The following DDX11 variants were observed in gnomAD, a reference collection of about 807,000 sequenced individuals.
The protein encoded by DDX11 is ATP-dependent DNA helicase DDX11.
A neutral mutation model predicts 125.2 loss-of-function variants in DDX11; 72 were observed. The ratio of observed to expected loss-of-function variants is 0.58; its 90% CI spans 0.48 to 0.70. The LOEUF is 0.70. DDX11 is among the 30% of genes least tolerant of loss of function. The probability of loss-of-function intolerance (pLI) is 0.00; values close to 1 mark genes in which losing one functional copy is unlikely to be tolerated. For missense variants in DDX11, 883 were observed against 1,165.0 expected, an observed-to-expected ratio of 0.76 and a Z score of 3.52; for synonymous variants, 347 against 452.6, an observed-to-expected ratio of 0.77 and a Z score of 2.96.
intron 8 of DDX11, 158 bp downstream of exon 8, chr12:31,089,648 C>G: frequency 1.9e-6 from 2 of 1,040,134 alleles, no homozygotes; most frequent in Non-Finnish European, 2.9e-6. Context: ...AGTGTTCCTA[C>G]TCTCTGGGTC....
At chr12:31,103,104 G>A (rs1946685103) in intron 24 of DDX11, 84 bp downstream of exon 24, 2 of 1,519,544 alleles carry the variant, frequency 1.3e-6, no homozygotes. Context: ...GATACAGCCA[G>A]GCCTTCCCCG....
rs1252679736 is a variant in DDX11, at chr12:31,104,675, C to T, written c.*839C>T. On this transcript the variant is annotated 3_prime_UTR_variant, in exon 27 of 27. Coordinates refer to ENST00000542838, the MANE Select transcript of DDX11 (RefSeq NM_030653.4). ...TGACCCCAGAGAAAGGGGCTGTGGT[C>T]AGCTGGGATCTTCTGCCACCATCAG... 2 of 154,358 alleles carry T rather than the reference C, an allele frequency of 1.3e-5. No individual in the cohort carries two copies. The highest frequency in any genetic ancestry group is 2.9e-5 in the Non-Finnish European group (2 of 69,550). The allele number at this position is 154,358 out of a possible 1,614,324, so 9.6% of individuals were successfully genotyped here. A position where few individuals can be genotyped will look rare whatever the true frequency, so the allele number is the denominator to read the frequency against.
At chr12:31,087,764 A>G in intron 5 of DDX11, 174 bp from the exon 6 acceptor site, 1 of 1,103,070 alleles carries the variant, frequency 9.1e-7, no homozygotes. Flanking sequence ...CGGCCATGGG[A>G]GGTTGGGGTT....
intron 5 of DDX11, among the ~76,000 whole-genome samples, chr12:31,085,543 C>T (rs1184127125): frequency 6.6e-6 from 1 of 152,222 alleles, no homozygotes; most frequent in East Asian, 1.9e-4. Context: ...ACCATCAAGG[C>T]GTCCTTAGCC....
At chr12:31,099,880 C>T (rs538376358) in intron 18 of DDX11, among the ~76,000 whole-genome samples, 11 of 152,226 alleles carry the variant, frequency 7.2e-5, no homozygotes, top group Admixed American at 3.3e-4. Context: ...CTAGCTTATC[C>T]TTTCAGTCTT....
At chr12:31,087,834 G>A in intron 5 of DDX11, 104 bp from the exon 6 acceptor site, 7 of 1,509,716 alleles carry the variant, frequency 4.6e-6, no homozygotes, top group Non-Finnish European at 6.3e-6. Flanking sequence ...GGAACCCATT[G>A]CTGGGAATGG....
At chr12:31,085,252 T>C (rs1471849091) in intron 5 of DDX11, 126 bp downstream of exon 5, 20 of 1,330,846 alleles carry the variant, frequency 1.5e-5, no homozygotes, top group Non-Finnish European at 2.1e-5. Context: ...TGCCCTCTGC[T>C]CTAAGCCGGG....
chr12:31,090,484 A>G (rs547103951), intron 9 of DDX11, among the ~76,000 whole-genome samples: 1 of 102,218 alleles, frequency 9.8e-6, no homozygotes, highest in Non-Finnish European at 1.9e-5. Context: ...AGAACCATTC[A>G]GTTTTCCAGT....
At chr12:31,082,180 TAATAGATCCC>T (rs1444620237) in intron 2 of DDX11, among the ~76,000 whole-genome samples, 1 of 146,886 alleles carries the variant, frequency 6.8e-6, no homozygotes, top group Non-Finnish European at 1.5e-5. Context: ...TGATGAAAAC[TAATAGATCCC>T]ATATTCCAGA....
rs748876603 is a variant in DDX11, at chr12:31,103,791, C to G, written c.2692-16C>G. 1.9e-6 allele frequency: 3 copies of G among 1,613,798 alleles called. No individual in the cohort carries two copies. The Admixed American group carries it at 5.0e-5, about 27-fold the overall frequency. On this transcript the variant is annotated splice_polypyrimidine_tract_variant and intron_variant, in intron 26 of 26. Coordinates refer to ENST00000542838, the MANE Select transcript of DDX11 (RefSeq NM_030653.4). ...CACCCCGAGATCACATTTCTCACTG[C>G]CTTCTGTCTGCCCAGTTTCACCGGG...
intron 12 of DDX11, 74 bp downstream of exon 12, chr12:31,093,398 A>G: frequency 6.3e-7 from 1 of 1,581,688 alleles, no homozygotes; most frequent in East Asian, 2.2e-5. Context: ...GATGCCCATC[A>G]GGACACCTCA....
At chr12:31,102,111 AC>A (rs1439980787) in intron 21 of DDX11, 129 bp downstream of exon 21, 4 of 1,252,974 alleles carry the variant, frequency 3.2e-6, no homozygotes. Flanking sequence ...GTCCCTGACT[AC>A]AGAGGATTTC....
chr12:31,096,692 A>G lies in DDX11; in HGVS notation c.1577A>G (p.Lys526Arg), dbSNP rs756309950. The G allele has an allele frequency of 2.0e-5, 32 of 1,613,930 alleles. No individual in the cohort carries two copies. The highest frequency in any genetic ancestry group is 1.6e-4 in the Middle Eastern group (1 of 6,070). Reference protein sequence around the residue: ...GAVFSSREQPKLAGFQQFLQS... With the variant: ...GAVFSSREQPRLAGFQQFLQS... ...GTGTTCTCATCCCGGGAGCAGCCCA[A>G]ACTGGCTGGGTTTCAGCAATTCCTG... Residue 526 changes from lysine (K) to arginine (R), a missense_variant, in exon 16 of 27, where the codon AAA becomes AGA. Physicochemically the swap from Lys to Arg is conservative, Grantham distance 26. Around this residue, in one of 5 missense-constraint regions of DDX11, gnomAD observed 241 missense variants for 279.7 expected, o/e 0.86. Coordinates refer to ENST00000542838, the MANE Select transcript of DDX11 (RefSeq NM_030653.4).
rs1014972427 is a variant in DDX11, at chr12:31,094,471, A to G, written c.1370-119A>G. The G allele has an allele frequency of 9.1e-6, 14 of 1,532,070 alleles. No individual in the cohort carries two copies. In the African/African-American group the frequency reaches 1.7e-4, roughly 18 times the overall value. The allele number at this position is 1,532,070 out of a possible 1,614,324, so 94.9% of individuals were successfully genotyped here. On this transcript the variant is annotated intron_variant, in intron 12 of 26. Coordinates refer to ENST00000542838, the MANE Select transcript of DDX11 (RefSeq NM_030653.4). ...GCTATAAACAGTGAAAAGCAAAACA[A>G]AGCCATTTAAATACAGATGCTCTTC...
rs376603343 is a variant in DDX11, at chr12:31,103,664, C to T, written c.2624C>T (p.Pro875Leu). 4.4e-5 allele frequency: 71 copies of T among 1,613,966 alleles called. No homozygotes were observed. The highest frequency in any genetic ancestry group is 9.3e-5 in the African/African-American group (7 of 74,912). ...CGGCCCCCTGTCCTGGCCAAGCTGC[C>T]GGCCTGGATCCGAGCCCGTGTGGAG... is the stretch of plus-strand genomic sequence containing the variant. ...YARPPVLAKL[P>L]AWIRARVEVK... Residue 875 changes from proline (P) to leucine (L), a missense_variant, in exon 26 of 27, where the codon CCG becomes CTG. Transcript: ENST00000542838.
intron 14 of DDX11, among the ~76,000 whole-genome samples, chr12:31,095,863 A>G (rs1016900442): frequency 1.3e-5 from 2 of 151,794 alleles, no homozygotes; most frequent in Non-Finnish European, 2.9e-5. Flanking sequence ...CTTTTTAGAA[A>G]CCGGTTTAAA....
rs1400467171 is a variant in DDX11 at position 31,090,106 on chromosome 12, G to A, written c.1089+12G>A. 1.2e-5 allele frequency: 18 copies of A among 1,549,132 alleles called. No homozygotes were observed. The Admixed American group carries it at 2.7e-4, about 24-fold the overall frequency. ...TCCCTGCAGCCCAGGTGAGGGCCCT[G>A]CAGGGCCAGAAAGCCGCTCTTGACT... On this transcript the variant is annotated intron_variant, in intron 9 of 26. Coordinates refer to ENST00000542838, the MANE Select transcript of DDX11 (RefSeq NM_030653.4).
chr12:31,102,589 G>T, intron 23 of DDX11, 62 bp downstream of exon 23: 1 of 1,500,934 alleles, frequency 6.7e-7, no homozygotes, highest in Admixed American at 1.7e-5. Context: ...ACTCCCAGCA[G>T]CTGGGCCCCT....
At chr12:31,084,111 C>T in intron 3 of DDX11, 50 bp downstream of exon 3, 6 of 1,608,652 alleles carry the variant, frequency 3.7e-6, no homozygotes, top group Non-Finnish European at 5.1e-6. Flanking sequence ...AACAGGGCTT[C>T]AGCGATTGTT....
Sources: gnomAD v4.1 joint callset for allele counts (sites outside exome capture counted in the v4.1 genomes callset) on GRCh38, gnomAD v4.1.1 for gene constraint, gnomAD v4.1.1 regional missense constraint, MANE v1.5 for transcripts, NCBI Gene and HGNC (gene_info 2026-07-23, HGNC 2026-07-21) for gene names.